RGS7: variants seen among roughly 807,000 people sequenced by gnomAD.
RGS7 encodes regulator of G-protein signaling 7.
A neutral mutation model predicts 81.1 loss-of-function variants in RGS7; 27 were observed. The ratio of observed to expected loss-of-function variants is 0.33; its 90% confidence interval spans 0.25 to 0.46. The LOEUF (loss-of-function observed/expected upper bound fraction) is 0.46. Ranked by LOEUF, RGS7 falls within the 20% of genes least tolerant of loss-of-function variation. RGS7 has a pLI of 1.00. For missense variants in RGS7, 396 were observed against 607.4 expected (o/e 0.65, Z 3.66); for synonymous variants, 208 against 207.7 (o/e 1.00, Z -0.01).
intron 2 of RGS7, among the ~76,000 whole-genome samples, chr1:241,282,061 G>A (rs969520426): frequency 3.3e-5 from 5 of 152,166 alleles, no homozygotes; most frequent in African/African-American, 7.2e-5. Flanking sequence ...TATGTGTGCT[G>A]AGGTTTGGTG....
intron 3 of RGS7, among the ~76,000 whole-genome samples, chr1:241,050,857 T>A (rs550522863): frequency 4.9e-4 from 74 of 152,350 alleles, no homozygotes; most frequent in Middle Eastern, 3.4e-3. Flanking sequence ...ATATGATACA[T>A]ATAACATATA....
intron 2 of RGS7, among the ~76,000 whole-genome samples, chr1:241,234,292 CA>C (rs1362351357): frequency 6.6e-6 from 1 of 152,036 alleles, no homozygotes; most frequent in Non-Finnish European, 1.5e-5. Flanking sequence ...CTTCTCTTTC[CA>C]AAACAATAGA....
intron 4 of RGS7, among the ~76,000 whole-genome samples, chr1:240,978,835 C>T (rs534077176): frequency 1.3e-5 from 2 of 152,122 alleles, no homozygotes; most frequent in South Asian, 2.1e-4. Flanking sequence ...GTATGTAATA[C>T]TTATTAAACC....
At chr1:241,321,492 T>A (rs1009310252) in intron 2 of RGS7, among the ~76,000 whole-genome samples, 1 of 152,110 alleles carries the variant, frequency 6.6e-6, no homozygotes, top group Non-Finnish European at 1.5e-5. Flanking sequence ...CAGATTCACT[T>A]TCCAAAGGCA....
At chr1:241,174,371 A>G (rs1386031711) in intron 2 of RGS7, among the ~76,000 whole-genome samples, 1 of 152,252 alleles carries the variant, frequency 6.6e-6, no homozygotes, top group Non-Finnish European at 1.5e-5. Flanking sequence ...GACTTTGTCC[A>G]AAGTGTGATT....
intron 4 of RGS7, among the ~76,000 whole-genome samples, chr1:240,976,707 G>A (rs1202383334): frequency 6.6e-6 from 1 of 151,580 alleles, no homozygotes; most frequent in African/African-American, 2.4e-5. Flanking sequence ...AAAATTGTGT[G>A]AGCAAATTCC....
At chr1:241,176,550 C>T (rs1163391853) in intron 2 of RGS7, among the ~76,000 whole-genome samples, 2 of 151,964 alleles carry the variant, frequency 1.3e-5, no homozygotes, top group African/African-American at 4.8e-5. Flanking sequence ...ATCCTAAACC[C>T]GGAAACAATA....
chr1:241,122,661 C>T (rs934400182), intron 2 of RGS7, among the ~76,000 whole-genome samples: 1 of 143,712 alleles, frequency 7.0e-6, no homozygotes, highest in African/African-American at 2.6e-5. Context: ...GAAACTCCAT[C>T]ACAAAAAGAA....
At chr1:241,181,268 G>T (rs1463633861) in intron 2 of RGS7, among the ~76,000 whole-genome samples, 3 of 152,198 alleles carry the variant, frequency 2.0e-5, no homozygotes, top group Non-Finnish European at 4.4e-5. Context: ...CTCTCTGGTG[G>T]AGTATGTTGC....
At chr1:240,991,857 A>G in intron 3 of RGS7, among the ~76,000 whole-genome samples, 1 of 152,210 alleles carries the variant, frequency 6.6e-6, no homozygotes, top group East Asian at 1.9e-4. Context: ...ATCCTAGTGG[A>G]TCATTCTTGC....
chr1:240,867,514 C>T (rs1363182559), intron 9 of RGS7, among the ~76,000 whole-genome samples: 1 of 152,082 alleles, frequency 6.6e-6, no homozygotes, highest in African/African-American at 2.4e-5. Flanking sequence ...ATAAAGTTTT[C>T]TGGTATTAAT....
intron 6 of RGS7, among the ~76,000 whole-genome samples, chr1:240,897,496 C>T (rs12747216): frequency 0.13 from 19,503 of 151,942 alleles, 1,358 homozygotes; most frequent in Middle Eastern, 0.18. Flanking sequence ...CATGAAGTGC[C>T]GCTGAATTTT....
At chr1:241,306,308 T>C (rs900426672) in intron 2 of RGS7, among the ~76,000 whole-genome samples, 6 of 144,756 alleles carry the variant, frequency 4.1e-5, no homozygotes, top group Non-Finnish European at 6.1e-5. Flanking sequence ...CACATGTACA[T>C]ATATACCCAT....
chr1:241,158,190 CA>C (rs1418433879), intron 2 of RGS7, among the ~76,000 whole-genome samples: 1 of 152,044 alleles, frequency 6.6e-6, no homozygotes, highest in Non-Finnish European at 1.5e-5. Flanking sequence ...GCTTTTGATC[CA>C]CAATAGCATA....
chr1:240,784,390 C>G (rs908407929), intron 18 of RGS7, among the ~76,000 whole-genome samples: 1 of 151,770 alleles, frequency 6.6e-6, no homozygotes, highest in Non-Finnish European at 1.5e-5. Context: ...CCTGTAATCC[C>G]AGCACTCTGG....
intron 6 of RGS7, among the ~76,000 whole-genome samples, chr1:240,889,275 G>T (rs1667888910): frequency 6.6e-6 from 1 of 152,138 alleles, no homozygotes; most frequent in Admixed American, 6.5e-5. Flanking sequence ...CTTTTGAATT[G>T]AAATCTAAAT....
chr1:241,278,281 C>T (rs532557432), intron 2 of RGS7, among the ~76,000 whole-genome samples: 1 of 152,246 alleles, frequency 6.6e-6, no homozygotes, highest in East Asian at 1.9e-4. Flanking sequence ...TTATTGCTTT[C>T]TTTAAAAAAT....
chr1:241,091,727 A>T (rs1392223530), intron 3 of RGS7, among the ~76,000 whole-genome samples: 1 of 151,966 alleles, frequency 6.6e-6, no homozygotes. Context: ...CACTACAAAA[A>T]GTTTAAAAAA....
intron 2 of RGS7, among the ~76,000 whole-genome samples, chr1:241,206,991 T>A (rs12033801): frequency 8.7e-6 from 1 of 115,424 alleles, no homozygotes; most frequent in African/African-American, 3.3e-5. Flanking sequence ...TTTTTTGAGA[T>A]GGAGTCTCGC....
Sources: gnomAD v4.1 joint callset for allele counts (sites outside exome capture counted in the v4.1 genomes callset) on GRCh38, gnomAD v4.1.1 for gene constraint, MANE v1.5 for transcripts, NCBI Gene and HGNC (gene_info 2026-07-23, HGNC 2026-07-21) for gene names.